The following FAM13C variants were observed in gnomAD, a reference collection of about 807,000 sequenced individuals.
The protein encoded by FAM13C is family with sequence similarity 13 member C.
FAM13C carries 37 observed loss-of-function variants against 73.2 expected under a neutral mutation model. The observed-to-expected ratio is 0.51, with a 90% confidence interval of 0.39 to 0.67. The LOEUF is 0.67. FAM13C is among the 30% of genes least tolerant of loss of function. FAM13C has a pLI of 0.00. For missense variants in FAM13C, 589 were observed against 715.6 expected (o/e 0.82, Z 2.02); for synonymous variants, 246 against 260.9 (o/e 0.94, Z 0.55).
intron 4 of FAM13C, among the ~76,000 whole-genome samples, chr10:59,308,569 C>CCATCACCACCACCAGCACCACCAACCAG (rs1486966070): frequency 1.6e-4 from 24 of 151,328 alleles, no homozygotes; most frequent in African/African-American, 4.6e-4. Context: ...CCACCAACCA[C>CCATCACCACCACCAGCACCACCAACCAG]CATCACCACC....
chr10:59,304,318 C>T (rs979637401), intron 4 of FAM13C, among the ~76,000 whole-genome samples: 1 of 152,096 alleles, frequency 6.6e-6, no homozygotes, highest in African/African-American at 2.4e-5. Flanking sequence ...CCTGTTTACT[C>T]TGTCAATAAG....
chr10:59,326,458 T>C (rs1851148429), intron 3 of FAM13C, among the ~76,000 whole-genome samples: 1 of 152,120 alleles, frequency 6.6e-6, no homozygotes, highest in Non-Finnish European at 1.5e-5. Flanking sequence ...TAGGTATGTG[T>C]GATTGTCATG....
intron 5 of FAM13C, among the ~76,000 whole-genome samples, chr10:59,285,218 G>A (rs751634002): frequency 7.9e-5 from 12 of 152,184 alleles, no homozygotes; most frequent in South Asian, 2.1e-4. Flanking sequence ...CATAGCTCAC[G>A]TGAAGCACCT....
At chr10:59,325,746 C>T (rs553824063) in intron 3 of FAM13C, among the ~76,000 whole-genome samples, 228 of 152,224 alleles carry the variant, frequency 1.5e-3, no homozygotes, top group Non-Finnish European at 2.4e-3. Flanking sequence ...ATATGAACTA[C>T]TACTGATAAC....
rs758755944 is a variant in FAM13C at position 59,252,776 on chromosome 10, C to T, written c.1532+23G>A. On this transcript the variant is annotated intron_variant, in intron 12 of 13. Coordinates refer to ENST00000618804, the MANE Select transcript of FAM13C (RefSeq NM_198215.4). ...GACCAGAAGGAGTTAAGAGGAGACT[C>T]CACACTTAGGATTCATACTCACATG... 12 of 1,610,546 alleles carry T rather than the reference C, an allele frequency of 7.5e-6. No homozygotes were observed. The African/African-American group carries it at 1.6e-4, about 22-fold the overall frequency.
intron 7 of FAM13C, 94 bp from the exon 8 acceptor site, chr10:59,268,785 G>A (rs1843373579): frequency 7.0e-7 from 1 of 1,430,758 alleles, no homozygotes; most frequent in African/African-American, 1.4e-5. Flanking sequence ...TGGATTGTCA[G>A]AGAAGTCCAG....
chr10:59,283,408 G>A lies in FAM13C; in HGVS notation c.547C>T (p.Pro183Ser). Residue 183 changes from proline to serine, a missense_variant, in exon 6 of 14, where the codon CCA becomes TCA. Physicochemically the swap from Pro to Ser is moderately conservative, Grantham distance 74 (BLOSUM62 -1). Coordinates refer to ENST00000618804, the MANE Select transcript of FAM13C (RefSeq NM_198215.4). ...GCAAGCACGCTCTGGGTTGATGCTG[G>A]CGCCGGGTCCTTGACTCCATGCACC... ...AQVHGVKDPA[P>S]ASTQSVLADG... The A allele has an allele frequency of 6.2e-7, 1 of 1,614,198 alleles. No individual in the cohort carries two copies. Among genetic ancestry groups the A allele is most frequent in the Non-Finnish European group, 8.5e-7 (1 of 1,180,026 alleles).
chr10:59,270,265 G>A, intron 6 of FAM13C, 156 bp from the exon 7 acceptor site: 1 of 712,146 alleles, frequency 1.4e-6, no homozygotes, highest in African/African-American at 1.8e-5. Context: ...ATATTGTCAT[G>A]TTTATTCTCA....
chr10:59,352,022 T>A (rs1447207212), intron 3 of FAM13C, among the ~76,000 whole-genome samples: 1 of 151,892 alleles, frequency 6.6e-6, no homozygotes, highest in African/African-American at 2.4e-5. Context: ...TAAATAAAAA[T>A]TAAAAAATAA....
chr10:59,264,387 T>C (rs1388632069), intron 8 of FAM13C, among the ~76,000 whole-genome samples: 1 of 152,216 alleles, frequency 6.6e-6, no homozygotes, highest in Non-Finnish European at 1.5e-5. Flanking sequence ...TGACCTCCTC[T>C]ACTCTTTAAT....
chr10:59,362,702 G>T, upstream of FAM13C: 1 of 822,386 alleles, frequency 1.2e-6, no homozygotes, highest in Non-Finnish European at 1.8e-6. Flanking sequence ...CGGCGGCGGG[G>T]CTGGGACCCC....
At chr10:59,304,803 G>T (rs112718155) in intron 4 of FAM13C, among the ~76,000 whole-genome samples, 1 of 103,440 alleles carries the variant, frequency 9.7e-6, no homozygotes, top group Non-Finnish European at 2.1e-5. Context: ...GGGAAGGGAA[G>T]GGAAGGGAAG....
intron 3 of FAM13C, among the ~76,000 whole-genome samples, chr10:59,327,012 C>T (rs1469848372): frequency 6.6e-6 from 1 of 152,058 alleles, no homozygotes; most frequent in East Asian, 1.9e-4. Context: ...AAAAATAATG[C>T]CACATTAAAT....
chr10:59,305,575 C>T (rs991247239), intron 4 of FAM13C, among the ~76,000 whole-genome samples: 7 of 152,278 alleles, frequency 4.6e-5, no homozygotes, highest in African/African-American at 1.7e-4. Flanking sequence ...TGTCATAATG[C>T]ACATTTAGAA....
At chr10:59,330,452 AAG>A (rs1225191426) in intron 3 of FAM13C, among the ~76,000 whole-genome samples, 1 of 152,172 alleles carries the variant, frequency 6.6e-6, no homozygotes, top group South Asian at 2.1e-4. Context: ...AAGAGTAAAA[AAG>A]AGAGTCATGA....
intron 4 of FAM13C, among the ~76,000 whole-genome samples, chr10:59,311,053 G>A (rs528440206): frequency 6.6e-6 from 1 of 152,224 alleles, no homozygotes; most frequent in African/African-American, 2.4e-5. Context: ...GGTCCCCCAG[G>A]GAACACATTC....
At chr10:59,327,176 G>A (rs1367593707) in intron 3 of FAM13C, among the ~76,000 whole-genome samples, 1 of 152,064 alleles carries the variant, frequency 6.6e-6, no homozygotes, top group East Asian at 1.9e-4. Flanking sequence ...CAGGGAATAG[G>A]GGAGGAAAAC....
intron 3 of FAM13C, among the ~76,000 whole-genome samples, chr10:59,341,223 G>T (rs761544508): frequency 1.3e-5 from 2 of 152,030 alleles, no homozygotes; most frequent in African/African-American, 4.8e-5. Flanking sequence ...GTCTCCCTTT[G>T]GTTATTTCAT....
chr10:59,269,864 A>G (rs773841608), intron 7 of FAM13C, 35 bp downstream of exon 7: 22 of 1,603,734 alleles, frequency 1.4e-5, no homozygotes, highest in Non-Finnish European at 1.9e-5. Flanking sequence ...GAAAAACTGT[A>G]TGAAATGAAG....
Sources: gnomAD v4.1 joint callset for allele counts (sites outside exome capture counted in the v4.1 genomes callset) on GRCh38, gnomAD v4.1.1 for gene constraint, MANE v1.5 for transcripts, NCBI Gene and HGNC (gene_info 2026-07-23, HGNC 2026-07-21) for gene names.